NHS: variants seen among roughly 807,000 people sequenced by gnomAD.
The protein encoded by NHS is NHS actin remodeling regulator, also known as actin remodeling regulator NHS.
A neutral mutation model predicts 72.5 loss-of-function variants in NHS; 5 were observed. The ratio of observed to expected loss-of-function variants is 0.07; its 90% CI spans 0.04 to 0.14. The LOEUF is 0.14. NHS is among the 10% of genes least tolerant of loss of function. NHS has a pLI of 1.00. For synonymous variants in NHS, 464 were observed against 547.7 expected (o/e 0.85, Z 2.13); for missense variants, 1,072 against 1,355.7 (o/e 0.79, Z 3.29).
chrX:17,490,676 C>A (rs2064987081), intron 1 of NHS, among the ~76,000 whole-genome samples: 1 of 111,526 alleles, frequency 9.0e-6, no homozygotes, highest in Admixed American at 9.5e-5. Flanking sequence ...ACAATGGTAC[C>A]TTGATGGGGA....
chrX:17,390,692 C>G (rs915021484), intron 1 of NHS, among the ~76,000 whole-genome samples: 1 of 112,081 alleles, frequency 8.9e-6, no homozygotes, highest in African/African-American at 3.2e-5. Flanking sequence ...GATGTTGGAA[C>G]CCTGCTCAGG....
chrX:17,516,710 C>T (rs1277017206), intron 1 of NHS, among the ~76,000 whole-genome samples: 16 of 108,973 alleles, frequency 1.5e-4, no homozygotes, highest in African/African-American at 5.4e-4. Flanking sequence ...TGATATCTTC[C>T]TATGTCTGCT....
intron 5 of NHS, among the ~76,000 whole-genome samples, chrX:17,723,770 T>TGTGCGCGCGCGCGCGC (rs541219770): frequency 4.4e-5 from 4 of 91,337 alleles, no homozygotes; most frequent in African/African-American, 2.0e-4. Flanking sequence ...TGTGTGTGTG[T>TGTGCGCGCGCGCGCGC]GCGCGCGCGT....
chrX:17,715,944 G>T (rs1650867721), intron 3 of NHS, among the ~76,000 whole-genome samples: 1 of 111,887 alleles, frequency 8.9e-6, no homozygotes, highest in Admixed American at 9.5e-5. Flanking sequence ...TAGAGCTTGT[G>T]TCTAAGTGGA....
intron 1 of NHS, among the ~76,000 whole-genome samples, chrX:17,629,621 G>T (rs1010202439): frequency 2.7e-5 from 3 of 111,839 alleles, no homozygotes; most frequent in Non-Finnish European, 5.6e-5. Context: ...GTGGATGGAG[G>T]TTGGAGTAGC....
intron 1 of NHS, among the ~76,000 whole-genome samples, chrX:17,471,366 G>A (rs893420508): frequency 2.7e-5 from 3 of 112,565 alleles, no homozygotes; most frequent in Admixed American, 9.4e-5. Context: ...GAGCCACCAT[G>A]TCTGGGGGTC....
chrX:17,433,101 C>T (rs1377863338), intron 1 of NHS, among the ~76,000 whole-genome samples: 4 of 108,912 alleles, frequency 3.7e-5, no homozygotes, highest in Admixed American at 9.7e-5. Flanking sequence ...GCAATCTCGG[C>T]TCACTGCAAG....
At chrX:17,632,290 G>A (rs928434817) in intron 1 of NHS, among the ~76,000 whole-genome samples, 4 of 111,326 alleles carry the variant, frequency 3.6e-5, no homozygotes, top group Admixed American at 1.9e-4. Flanking sequence ...TTTATAGGTG[G>A]CAGTCACAGT....
chrX:17,378,177 A>G (rs1188337759), intron 1 of NHS, among the ~76,000 whole-genome samples: 2 of 111,279 alleles, frequency 1.8e-5, no homozygotes, highest in Non-Finnish European at 3.8e-5. Context: ...TAGATGCAGC[A>G]GTGGGCAGTT....
chrX:17,446,038 A>G (rs1424028017), intron 1 of NHS, among the ~76,000 whole-genome samples: 4 of 109,818 alleles, frequency 3.6e-5, no homozygotes, highest in Non-Finnish European at 5.7e-5. Context: ...TTCTCAATTC[A>G]TCCAAAACCG....
At chrX:17,474,690 T>G (rs1384673124) in intron 1 of NHS, among the ~76,000 whole-genome samples, 1 of 111,723 alleles carries the variant, frequency 9.0e-6, no homozygotes, top group African/African-American at 3.3e-5. Flanking sequence ...TTCCTCTAGG[T>G]AGGGGGCAGG....
chrX:17,517,989 C>T (rs973893184), intron 1 of NHS, among the ~76,000 whole-genome samples: 1 of 111,189 alleles, frequency 9.0e-6, no homozygotes, highest in African/African-American at 3.3e-5. Flanking sequence ...TCAGGACCAG[C>T]CCAGTAACAA....
intron 1 of NHS, among the ~76,000 whole-genome samples, chrX:17,529,299 T>G (rs773715052): frequency 8.9e-6 from 1 of 112,531 alleles, no homozygotes; most frequent in South Asian, 3.6e-4. Flanking sequence ...TGAGAATGGA[T>G]GCCTTTATTA....
At chrX:17,626,553 A>G (rs1338124374) in intron 1 of NHS, among the ~76,000 whole-genome samples, 2 of 112,033 alleles carry the variant, frequency 1.8e-5, no homozygotes, top group Admixed American at 9.5e-5. Flanking sequence ...ATGGACTTAG[A>G]CCAGGCTGCT....
chrX:17,455,277 C>T (rs188954781), intron 1 of NHS, among the ~76,000 whole-genome samples: 12 of 111,350 alleles, frequency 1.1e-4, no homozygotes, highest in Admixed American at 4.8e-4. Context: ...TAATAGCTAC[C>T]CCTGGTTACC....
intron 1 of NHS, among the ~76,000 whole-genome samples, chrX:17,427,666 A>G (rs2064664097): frequency 8.9e-6 from 1 of 112,478 alleles, no homozygotes; most frequent in Non-Finnish European, 1.9e-5. Context: ...TCCAAAGCAG[A>G]AGTACAGTTC....
At chrX:17,417,492 T>C (rs993591513) in intron 1 of NHS, among the ~76,000 whole-genome samples, 9 of 111,762 alleles carry the variant, frequency 8.1e-5, no homozygotes, top group Admixed American at 7.6e-4. Flanking sequence ...GCACTAAGAT[T>C]GGGTGATTGC....
chrX:17,530,878 G>C (rs770064531), intron 1 of NHS, among the ~76,000 whole-genome samples: 1 of 111,110 alleles, frequency 9.0e-6, no homozygotes, highest in Admixed American at 9.5e-5. Context: ...TCCTAGGCTG[G>C]TCTTGAACTG....
In NHS at chrX:17,432,219, A is replaced by AG. The variant is rs746439816; in HGVS notation, c.565+55899dup. Among the ~76,000 whole-genome samples, 55 of 112,614 alleles carry AG rather than the reference A, an allele frequency of 4.9e-4. 1 individual carries two copies. The East Asian group carries it at 0.013, about 27-fold the overall frequency. ...CATGTGGTTGTTGGGAGGATTAAAT[A>AG]GGTTGACAAATGTAATATATTAGAA... On this transcript the variant is annotated intron_variant, in intron 1 of 8. Transcript: ENST00000676302.
Sources: gnomAD v4.1 joint callset for allele counts (sites outside exome capture counted in the v4.1 genomes callset) on GRCh38, gnomAD v4.1.1 for gene constraint, MANE v1.5 for transcripts, NCBI Gene and HGNC (gene_info 2026-07-23, HGNC 2026-07-21) for gene names.